Variants in CELSR3 observed in about 807,000 individuals in gnomAD.
CELSR3 encodes the protein EGF-like protein 1.
A neutral mutation model predicts 270.0 loss-of-function variants in CELSR3; 73 were observed. The observed-to-expected ratio is 0.27, with a 90% confidence interval of 0.22 to 0.33. The LOEUF is 0.33. Ranked by LOEUF, CELSR3 falls within the 10% of genes least tolerant of loss-of-function variation. The pLI is 1.00. For synonymous variants in CELSR3, 1,780 were observed against 1,905.4 expected, an observed-to-expected ratio of 0.93 and a Z score of 1.71; for missense variants, 3,614 against 4,533.8, an observed-to-expected ratio of 0.80 and a Z score of 5.83.
At position 48,645,489 on chromosome 3, in the gene CELSR3, A is replaced by G; in HGVS notation, c.7751T>C (p.Val2584Ala). The change falls in exon 24 of 35, where the codon GTG becomes GCG. Residue 2584 changes from valine (V) to alanine (A), a missense_variant. Coordinates refer to ENST00000164024, the MANE Select transcript of CELSR3 (RefSeq NM_001407.3). The surrounding 1 kb of genome is among the most constrained non-coding windows in gnomAD (Gnocchi z 5.4). ...CCCCAGCAGGAAGAGGAGCTCTGCC[A>G]CCCCCAGGGCGGCTGCCACATTGGC... ...IHANVAAALGVAELLFLLGIH... is the reference protein window; with the variant it reads ...IHANVAAALGAAELLFLLGIH... 1 of 1,612,570 alleles carries G rather than the reference A, an allele frequency of 6.2e-7. No individual in the cohort carries two copies. The highest frequency in any genetic ancestry group is 8.5e-7 in the Non-Finnish European group (1 of 1,179,976).
Position 48,661,715 on chromosome 3 carries a change from A to C in CELSR3, c.920T>G (p.Val307Gly). 1 of 1,573,448 alleles carries C rather than the reference A, an allele frequency of 6.4e-7. No individual in the cohort carries two copies. The highest frequency in any genetic ancestry group is 8.6e-7 in the Non-Finnish European group (1 of 1,159,414). Residue 307 changes from valine to glycine, a missense_variant, in exon 1 of 35, where the codon GTA becomes GGA. This residue lies in a region of CELSR3 where 470 missense variants were observed against 469.7 expected (regional missense o/e 1.00). Transcript: ENST00000164024. ...AAAGCGTGCCCGGTTCGCCGAGGTT[A>C]CTTTCCTGGCTTCAGGACGGGCCGG... ...GLPARPEARK[V>G]TSANRARFRR...
At position 48,646,260 on chromosome 3, in the gene CELSR3, G is replaced by A. The variant is rs1439780834; in HGVS notation, c.7296-3C>T. The A allele has an allele frequency of 6.2e-7, 1 of 1,608,806 alleles. No individual in the cohort carries two copies. Among genetic ancestry groups the A allele is most frequent in the Admixed American group, 1.7e-5 (1 of 59,732 alleles). ...TCATGACGGGGTTCTGAGGAAGCCT[G>A]GGGAGACACCCATCTGGGCTTACGC... On this transcript the variant is annotated splice_polypyrimidine_tract_variant and splice_region_variant and intron_variant, in intron 21 of 34. Coordinates refer to ENST00000164024, the MANE Select transcript of CELSR3 (RefSeq NM_001407.3). The surrounding 1 kb of genome is among the most constrained non-coding windows in gnomAD (Gnocchi z 4.8).
chr3:48,652,931 G>C lies in CELSR3; in HGVS notation c.5634+71C>G. On this transcript the variant is annotated intron_variant, in intron 10 of 34. Transcript: ENST00000164024. The surrounding 1 kb of genome is among the most constrained non-coding windows in gnomAD (Gnocchi z 4.3). ...GAGGGAACTGAGAGGAGCTGGACTAGAGGTGGGGTCAAATAAGGCGGATCT... is the reference window on the plus strand; with the variant it reads ...GAGGGAACTGAGAGGAGCTGGACTACAGGTGGGGTCAAATAAGGCGGATCT... 7.8e-7 allele frequency: 1 copy of C among 1,274,750 alleles called. No homozygotes were observed. Among genetic ancestry groups the C allele is most frequent in the Non-Finnish European group, 1.1e-6 (1 of 886,580 alleles). The allele number at this position is 1,274,750 out of a possible 1,614,324, so 79.0% of individuals were successfully genotyped here.
chr3:48,659,842 G>A lies in CELSR3; in HGVS notation c.2793C>T (p.Ile931=). 1 of 1,614,232 alleles carries A rather than the reference G, an allele frequency of 6.2e-7. No homozygotes were observed. Among genetic ancestry groups the A allele is most frequent in the East Asian group, 2.2e-5 (1 of 44,892 alleles). Reference sequence around the variant, plus strand: ...GTGGGATGCCATTGTCCCGAGCTGTGATAGCCAGGGTGTAGGTCACCTGGT... The same window carrying A: ...GTGGGATGCCATTGTCCCGAGCTGTAATAGCCAGGGTGTAGGTCACCTGGT... ...YEDQVTYTLA[I]TARDNGIPQK... is the part of the protein sequence containing the mutation. Residue 931 remains isoleucine, a synonymous_variant, in exon 1 of 35, where the codon ATC becomes ATT. Transcript: ENST00000164024. This position sits in a 1 kb window ranked among gnomAD's most constrained non-coding sequence, Gnocchi z 8.1.
chr3:48,641,873 C>T lies in CELSR3; in HGVS notation c.8802G>A (p.Glu2934=). 1 of 1,498,982 alleles carries T rather than the reference C, an allele frequency of 6.7e-7. No individual in the cohort carries two copies. The highest frequency in any genetic ancestry group is 1.4e-5 in the African/African-American group (1 of 71,434). 92.9% of individuals were successfully genotyped at this position (1,498,982 alleles called of 1,614,324 possible). Residue 2934 remains glutamate (E), a synonymous_variant, in exon 32 of 35, where the codon GAG becomes GAA. Coordinates refer to ENST00000164024, the MANE Select transcript of CELSR3 (RefSeq NM_001407.3). This position sits in a 1 kb window ranked among gnomAD's most constrained non-coding sequence, Gnocchi z 4.8. ...QRPLCRAAQS[E]RLLTHPKDVD... is the part of the protein sequence containing the mutation. ...CACCTTTGGGGTGGGTGAGGAGCCT[C>T]TCACTCTGGGCTGCTCGGCAGAGTG...
At position 48,653,614 on chromosome 3, in the gene CELSR3, C is replaced by T; in HGVS notation, c.5448+5G>A. 6.2e-7 allele frequency: 1 copy of T among 1,613,348 alleles called. No individual in the cohort carries two copies. The highest frequency in any genetic ancestry group is 8.5e-7 in the Non-Finnish European group (1 of 1,179,582). On this transcript the variant is annotated splice_donor_5th_base_variant and intron_variant, in intron 9 of 34. Coordinates refer to ENST00000164024, the MANE Select transcript of CELSR3 (RefSeq NM_001407.3). The surrounding 1 kb of genome is among the most constrained non-coding windows in gnomAD (Gnocchi z 6.5). ...AGGGTATAGGGGTGAGCAGGGTGGA[C>T]ACACCTGGCAAAGGAGCGTGCTGTG...
rs932798471 is a variant in CELSR3, at chr3:48,645,260, C to T, written c.7798-51G>A. On this transcript the variant is annotated intron_variant, in intron 24 of 34. Transcript: ENST00000164024. This position sits in a 1 kb window ranked among gnomAD's most constrained non-coding sequence, Gnocchi z 5.4. ...CCTCTCCTGCCTCACCCACCTCTGA[C>T]CCCTACCCCAGGCATCTGCTTCCCA... 6.4e-7 allele frequency: 1 copy of T among 1,550,680 alleles called. No homozygotes were observed. The highest frequency in any genetic ancestry group is 8.7e-7 in the Non-Finnish European group (1 of 1,142,876).
At chr3:48,656,548 C>A in intron 2 of CELSR3, 150 bp downstream of exon 2, 2 of 1,228,616 alleles carry the variant, frequency 1.6e-6, no homozygotes, top group Non-Finnish European at 1.1e-6. Context: ...CGGCGGCGGC[C>A]CCTTCCGGCC....
At position 48,637,104 on chromosome 3, in the gene CELSR3, TAA is replaced by T. The variant is rs1209212625; in HGVS notation, c.*1099_*1100del. ...GGACTTGTAAACAGTAACAAAATTT[TAA>T]AGTCTTCAGTTCTGGACAGCAGACA... On this transcript the variant is annotated 3_prime_UTR_variant, in exon 35 of 35. Coordinates refer to ENST00000164024, the MANE Select transcript of CELSR3 (RefSeq NM_001407.3). The T allele has an allele frequency of 6.6e-6, 1 of 152,586 alleles. No homozygotes were observed. Among genetic ancestry groups the T allele is most frequent in the Non-Finnish European group, 1.5e-5 (1 of 68,030 alleles). 9.5% of individuals were successfully genotyped at this position (152,586 alleles called of 1,614,324 possible).
Position 48,642,222 on chromosome 3 carries a change from G to A in CELSR3, c.8665+136C>T. The A allele has an allele frequency of 1.0e-6, 1 of 977,252 alleles. No individual in the cohort carries two copies. The highest frequency in any genetic ancestry group is 1.5e-6 in the Non-Finnish European group (1 of 675,712). The allele number at this position is 977,252 out of a possible 1,614,324, so 60.5% of individuals were successfully genotyped here. A position where few individuals can be genotyped will look rare whatever the true frequency, so the allele number is the denominator to read the frequency against. On this transcript the variant is annotated intron_variant, in intron 31 of 34. Transcript: ENST00000164024. The surrounding 1 kb of genome is among the most constrained non-coding windows in gnomAD (Gnocchi z 6.1). ...TGGGAGAACCAGGGCTGGAGAGGTA[G>A]GTGCCTCCTGAGGCAGGGACCCTGG...
rs1295386294 is a variant in CELSR3 at position 48,661,478 on chromosome 3, C to T, written c.1157G>A (p.Arg386His). The change falls in exon 1 of 35, where the codon CGT becomes CAT. Residue 386 changes from arginine to histidine, a missense_variant. By Grantham distance (29) the Arg-to-His change is conservative (BLOSUM62 0). Coordinates refer to ENST00000164024, the MANE Select transcript of CELSR3 (RefSeq NM_001407.3). ...FSIDPQSGLI[R>H]TAAALDRESM... ...CTCGCGGTCCAGAGCTGCCGCCGTACGGATAAGGCCGCTCTGCGGGTCGAT... is the reference window on the plus strand; with the variant it reads ...CTCGCGGTCCAGAGCTGCCGCCGTATGGATAAGGCCGCTCTGCGGGTCGAT... The T allele has an allele frequency of 1.9e-6, 3 of 1,603,960 alleles. No homozygotes were observed. Among genetic ancestry groups the T allele is most frequent in the Non-Finnish European group, 1.7e-6 (2 of 1,175,152 alleles).
Position 48,655,177 on chromosome 3 carries a change from C to T in CELSR3, c.4855G>A (p.Ala1619Thr), listed in dbSNP as rs764232431. ...ACCTTGTCCTTGGAGGGGCCCTGTGCACCCCCTAGGGCATCTGTCCGGGGC... is the reference window on the plus strand; with the variant it reads ...ACCTTGTCCTTGGAGGGGCCCTGTGTACCCCCTAGGGCATCTGTCCGGGGC... ...NKPRTDALGGAQGPSKDKVAV... is the reference protein window; with the variant it reads ...NKPRTDALGGTQGPSKDKVAV... Residue 1619 changes from alanine to threonine, a missense_variant, in exon 6 of 35, where the codon GCA becomes ACA. By Grantham distance (58) the Ala-to-Thr change is moderately conservative (BLOSUM62 0). This residue lies in a region of CELSR3 where 1,331 missense variants were observed against 1,933.7 expected (regional missense o/e 0.69). Transcript: ENST00000164024. The surrounding 1 kb of genome is among the most constrained non-coding windows in gnomAD (Gnocchi z 5.8). 4 of 1,613,896 alleles carry T rather than the reference C, an allele frequency of 2.5e-6. No individual in the cohort carries two copies. The highest frequency in any genetic ancestry group is 2.2e-5 in the East Asian group (1 of 44,870).
rs3733086 is a variant in CELSR3 at position 48,662,086 on chromosome 3, C to T, written c.549G>A (p.Lys183=). 0.11 allele frequency: 174,310 copies of T among 1,613,920 alleles called. 9,602 individuals carry two copies. Among genetic ancestry groups the T allele is most frequent in the African/African-American group, 0.13 (9,946 of 75,042 alleles). The part of the protein sequence containing the change: ...SDFLIRHHGP[K]PVSSQRNAGT... ...CAGCGTTCCGCTGGGAGGACACCGG[C>T]TTGGGACCGTGGTGCCGAATCAAAA... Residue 183 remains lysine (K), a synonymous_variant, in exon 1 of 35, where the codon AAG becomes AAA. Transcript: ENST00000164024. This position sits in a 1 kb window ranked among gnomAD's most constrained non-coding sequence, Gnocchi z 7.1.
chr3:48,643,617 G>C lies in CELSR3; in HGVS notation c.8226C>G (p.Leu2742=), dbSNP rs573714527. The C allele has an allele frequency of 6.4e-7, 1 of 1,551,396 alleles. No individual in the cohort carries two copies. The highest frequency in any genetic ancestry group is 1.2e-5 in the South Asian group (1 of 84,070). The change falls in exon 28 of 35, where the codon CTC becomes CTG. Residue 2742 remains leucine (L), a synonymous_variant. Coordinates refer to ENST00000164024, the MANE Select transcript of CELSR3 (RefSeq NM_001407.3). ...CTAGGATGCTGTGGTTGACTGCCAG[G>C]AGCCCAAAGAGCCAGGAGGCACTGA... ...LLVSASWLFG[L]LAVNHSILAF... is the part of the protein sequence containing the mutation.
In CELSR3 at chr3:48,658,879, C is replaced by T; in HGVS notation, c.3748+8G>A. 1.2e-6 allele frequency: 2 copies of T among 1,610,892 alleles called. No individual in the cohort carries two copies. Among genetic ancestry groups the T allele is most frequent in the Non-Finnish European group, 1.7e-6 (2 of 1,177,558 alleles). On this transcript the variant is annotated splice_region_variant and intron_variant, in intron 1 of 34. Coordinates refer to ENST00000164024, the MANE Select transcript of CELSR3 (RefSeq NM_001407.3). The surrounding 1 kb of genome is among the most constrained non-coding windows in gnomAD (Gnocchi z 4.7). Reference sequence around the variant, plus strand: ...CACTGGGTCACTTGCCTGCCCCCTGCCCCTCACCTGTGACAGTCACCAACA... The same window carrying T: ...CACTGGGTCACTTGCCTGCCCCCTGTCCCTCACCTGTGACAGTCACCAACA...
rs1043728752 is a variant in CELSR3, at chr3:48,648,715, C to T, written c.6777+4G>A. 1.2e-6 allele frequency: 2 copies of T among 1,609,410 alleles called. No homozygotes were observed. The highest frequency in any genetic ancestry group is 8.5e-7 in the Non-Finnish European group (1 of 1,179,680). On this transcript the variant is annotated splice_donor_region_variant and intron_variant, in intron 18 of 34. Transcript: ENST00000164024. ...GGCACTGAGAACATAGGGCACAGCC[C>T]CACCTCATTGAAGTGGGCATCCTGT...
rs559070267 is a variant in CELSR3 at position 48,653,850 on chromosome 3, G to T, written c.5278+28C>A. ...CCCAGGAACAGATCTGACCCTGCAG[G>T]CCCCTCTGCCCCATGCTGCCCACTT... On this transcript the variant is annotated intron_variant, in intron 8 of 34. Transcript: ENST00000164024. The surrounding 1 kb of genome is among the most constrained non-coding windows in gnomAD (Gnocchi z 6.5). 6.2e-7 allele frequency: 1 copy of T among 1,612,002 alleles called. No individual in the cohort carries two copies. The highest frequency in any genetic ancestry group is 1.3e-5 in the African/African-American group (1 of 75,014).
In CELSR3 at chr3:48,641,884, C is replaced by T. The variant is rs1170088859; in HGVS notation, c.8791G>A (p.Ala2931Thr). ...GRFQRPLCRA[A>T]QSERLLTHPK... is the part of the protein sequence containing the mutation. ...TGGGTGAGGAGCCTCTCACTCTGGG[C>T]TGCTCGGCAGAGTGGCCGTTGGAAG... The change falls in exon 32 of 35, where the codon GCC becomes ACC. Residue 2931 changes from alanine to threonine, a missense_variant. Coordinates refer to ENST00000164024, the MANE Select transcript of CELSR3 (RefSeq NM_001407.3). This position sits in a 1 kb window ranked among gnomAD's most constrained non-coding sequence, Gnocchi z 4.8. 6.5e-7 allele frequency: 1 copy of T among 1,545,822 alleles called. No homozygotes were observed. The highest frequency in any genetic ancestry group is 8.7e-7 in the Non-Finnish European group (1 of 1,147,482).
At position 48,641,568 on chromosome 3, in the gene CELSR3, AG is replaced by A. The variant is rs781079267; in HGVS notation, c.8825-45del. 4.2e-6 allele frequency: 6 copies of A among 1,442,446 alleles called. No individual in the cohort carries two copies. Among genetic ancestry groups the A allele is most frequent in the Non-Finnish European group, 5.8e-6 (6 of 1,030,092 alleles). The allele number at this position is 1,442,446 out of a possible 1,614,324, so 89.4% of individuals were successfully genotyped here. ...TTACAGGAGCTTCTGGGTTGATCCC[AG>A]TGACTCATGACCCCTGACCCTAATG... is the stretch of plus-strand genomic sequence containing the variant. On this transcript the variant is annotated intron_variant, in intron 32 of 34. Transcript: ENST00000164024. This position sits in a 1 kb window ranked among gnomAD's most constrained non-coding sequence, Gnocchi z 4.8.
Sources: gnomAD v4.1 joint callset for allele counts on GRCh38, gnomAD v4.1.1 for gene constraint, gnomAD v4.1.1 regional missense constraint, Gnocchi (gnomAD v3.1) non-coding constraint, MANE v1.5 for transcripts, NCBI Gene and HGNC (gene_info 2026-07-23, HGNC 2026-07-21) for gene names.